Variants in DAB1 observed in about 807,000 individuals in gnomAD.
The protein encoded by DAB1 is DAB adaptor protein 1, also known as disabled homolog 1.
Under a neutral mutation model 64.6 loss-of-function variants are expected in DAB1, and 15 were observed. The ratio of observed to expected loss-of-function variants is 0.23; its 90% confidence interval spans 0.16 to 0.36. The LOEUF (loss-of-function observed/expected upper bound fraction) is 0.36, where lower values mean the gene tolerates loss of function less well. Ranked by LOEUF, DAB1 falls within the 10% of genes least tolerant of loss-of-function variation. The pLI is 1.00. For synonymous variants in DAB1, 235 were observed against 251.9 expected (o/e 0.93, Z 0.64); for missense variants, 596 against 706.7 (o/e 0.84, Z 1.78).
intron 5 of DAB1, among the ~76,000 whole-genome samples, chr1:58,051,047 A>G (rs1315201764): frequency 6.6e-6 from 1 of 152,002 alleles, no homozygotes; most frequent in Non-Finnish European, 1.5e-5. Flanking sequence ...AAAGAGAAGA[A>G]ATTTTTTTTA....
intron 4 of DAB1, among the ~76,000 whole-genome samples, chr1:57,111,367 T>A (rs538611862): frequency 4.6e-5 from 7 of 152,300 alleles, no homozygotes; most frequent in African/African-American, 1.7e-4. Context: ...GTTCAGACAC[T>A]GTTTTCAGAT....
At chr1:57,186,653 GCGTCAGCATTTACCC>G (rs1238969519) in intron 2 of DAB1, among the ~76,000 whole-genome samples, 3 of 152,162 alleles carry the variant, frequency 2.0e-5, no homozygotes, top group Non-Finnish European at 4.4e-5. Context: ...TGAAATGCAC[GCGTCAGCATTTACCC>G]CACAGAGGCA....
At position 57,026,041 on chromosome 1, in the gene DAB1, A is replaced by G; in HGVS notation, c.726T>C (p.Ala242=). 1 of 1,602,396 alleles carries G rather than the reference A, an allele frequency of 6.2e-7. No homozygotes were observed. Among genetic ancestry groups the G allele is most frequent in the Non-Finnish European group, 8.5e-7 (1 of 1,175,406 alleles). The change falls in exon 10 of 15, where the codon GCT becomes GCC. Residue 242 remains alanine (A), a splice_region_variant and synonymous_variant. Transcript: ENST00000371236. The part of the protein sequence containing the change: ...YDVPKSQPVS[A]VTQLELFGDM... ...CCCCAAAAAGTTCTAATTGGGTCACAGCCTGTAAAGACAAAAAGGTAATCA... is the reference window on the plus strand; with the variant it reads ...CCCCAAAAAGTTCTAATTGGGTCACGGCCTGTAAAGACAAAAAGGTAATCA...
rs1240569935 is a variant in DAB1 at position 57,060,067 on chromosome 1, T to C, written c.723+2817A>G. Among the ~76,000 whole-genome samples the C allele has an allele frequency of 7.2e-5, 11 of 152,140 alleles. 1 individual carries two copies. The highest frequency in any genetic ancestry group is 1.9e-4 in the East Asian group (1 of 5,200). On this transcript the variant is annotated intron_variant, in intron 9 of 14. Coordinates refer to ENST00000371236, the MANE Select transcript of DAB1 (RefSeq NM_001365792.1). ...TTTGGAGTCAGAAATATGGGGACTT[T>C]CTTAATTCTACCAGGGATTTTCACA... is the stretch of plus-strand genomic sequence containing the variant.
rs1001137414 is a variant in DAB1 at position 57,662,183 on chromosome 1, G to C, written n.552-12518C>G. Among the ~76,000 whole-genome samples, 3 of 142,178 alleles carry C rather than the reference G, an allele frequency of 2.1e-5. No individual in the cohort carries two copies. The East Asian group carries it at 5.9e-4, about 28-fold the overall frequency. The allele number at this position is 142,178 out of a possible 152,430, so 93.3% of individuals were successfully genotyped here. On this transcript the variant is annotated intron_variant and non_coding_transcript_variant, in intron 6 of 20. Transcript: ENST00000485760. The stretch of plus-strand genomic sequence containing the variant: ...CTCTGTCTAGAGAATGTTGTTCTTT[G>C]TTTGTTTGTTTGTTTGTTTGTTTGT...
chr1:57,315,631 T>A (rs1236516955), intron 1 of DAB1, among the ~76,000 whole-genome samples: 1 of 152,108 alleles, frequency 6.6e-6, no homozygotes, highest in East Asian at 1.9e-4. Flanking sequence ...GCCTCCCGAG[T>A]AGCTGGGACT....
intron 4 of DAB1, among the ~76,000 whole-genome samples, chr1:58,260,326 T>A (rs114466274): frequency 6.6e-6 from 1 of 152,158 alleles, no homozygotes; most frequent in Admixed American, 6.5e-5. Flanking sequence ...GAGACTAAAC[T>A]GGCCAGCATA....
chr1:57,528,665 C>CAT (rs1644624046), intron 7 of DAB1, among the ~76,000 whole-genome samples: 2 of 142,098 alleles, frequency 1.4e-5, no homozygotes, highest in South Asian at 2.1e-4. Flanking sequence ...CACACACACA[C>CAT]ACACACACAC....
At position 57,785,977 on chromosome 1, in the gene DAB1, G is replaced by A. The variant is rs187912669; in HGVS notation, n.551+98022C>T. On this transcript the variant is annotated intron_variant and non_coding_transcript_variant, in intron 6 of 20. Transcript: ENST00000485760. ...AGCAAACTTCATTGTTGTCTTATTTGAAGAAATTACTGCAGCCACCCCAAT... is the reference window on the plus strand; with the variant it reads ...AGCAAACTTCATTGTTGTCTTATTTAAAGAAATTACTGCAGCCACCCCAAT... Among the ~76,000 whole-genome samples, 314 of 152,178 alleles carry A rather than the reference G, an allele frequency of 2.1e-3. 1 individual carries two copies. Among genetic ancestry groups the A allele is most frequent in the Non-Finnish European group, 3.6e-3 (247 of 67,998 alleles).
At chr1:57,379,650 A>G (rs1055496063) in intron 1 of DAB1, among the ~76,000 whole-genome samples, 1 of 152,220 alleles carries the variant, frequency 6.6e-6, no homozygotes, top group Non-Finnish European at 1.5e-5. Flanking sequence ...CCCCAGGGTA[A>G]CAAACAATGC....
At position 57,107,843 on chromosome 1, in the gene DAB1, C is replaced by G. The variant is rs78208673; in HGVS notation, c.306+28700G>C. Among the ~76,000 whole-genome samples, 203 of 152,206 alleles carry G rather than the reference C, an allele frequency of 1.3e-3. 4 individuals carry two copies. The East Asian group carries it at 0.038, about 29-fold the overall frequency. ...TAGACAGTCTTGGTTTGGAAGACAA[C>G]CTCTGCTTCTTCCCAAGCTTTGTGA... On this transcript the variant is annotated intron_variant, in intron 4 of 14. Transcript: ENST00000371236.
At chr1:57,641,569 A>T (rs1052726079) in intron 7 of DAB1, among the ~76,000 whole-genome samples, 3 of 151,872 alleles carry the variant, frequency 2.0e-5, no homozygotes, top group Admixed American at 6.6e-5. Context: ...TACTTTTAGT[A>T]GAGACAGGGT....
intron 1 of DAB1, among the ~76,000 whole-genome samples, chr1:57,387,842 G>T (rs1052451047): frequency 1.4e-5 from 2 of 139,560 alleles, no homozygotes; most frequent in African/African-American, 5.5e-5. Flanking sequence ...AAAAAAAAGA[G>T]AGAGAAAACT....
At chr1:57,592,151 T>C (rs1214052051) in intron 7 of DAB1, among the ~76,000 whole-genome samples, 2 of 152,112 alleles carry the variant, frequency 1.3e-5, no homozygotes, top group Non-Finnish European at 2.9e-5. Flanking sequence ...AAGGGAAGAT[T>C]TCCAAATAGG....
intron 3 of DAB1, among the ~76,000 whole-genome samples, chr1:58,430,372 G>A (rs575859284): frequency 2.0e-5 from 3 of 152,330 alleles, no homozygotes; most frequent in South Asian, 4.1e-4. Context: ...ATTTGATTGG[G>A]TCTGGAGGAT....
chr1:57,808,017 T>A (rs571566286), intron 6 of DAB1, among the ~76,000 whole-genome samples: 2 of 152,160 alleles, frequency 1.3e-5, no homozygotes, highest in Non-Finnish European at 2.9e-5. Flanking sequence ...ATGCTTCTGG[T>A]CAAAAGTGGC....
chr1:58,077,355 G>A (rs1649719572), intron 5 of DAB1, among the ~76,000 whole-genome samples: 1 of 152,096 alleles, frequency 6.6e-6, no homozygotes, highest in Non-Finnish European at 1.5e-5. Flanking sequence ...TCACATCAGT[G>A]GACAGATGAT....
chr1:57,463,399 T>C (rs1489816990), intron 7 of DAB1, among the ~76,000 whole-genome samples: 1 of 152,248 alleles, frequency 6.6e-6, no homozygotes, highest in Non-Finnish European at 1.5e-5. Flanking sequence ...AATAAGGATT[T>C]ACATTTTGAG....
intron 6 of DAB1, among the ~76,000 whole-genome samples, chr1:57,728,680 T>C (rs1323353723): frequency 6.6e-6 from 1 of 152,140 alleles, no homozygotes; most frequent in Non-Finnish European, 1.5e-5. Context: ...GCTTTACTGG[T>C]AATACACAAA....
Sources: gnomAD v4.1 joint callset for allele counts (sites outside exome capture counted in the v4.1 genomes callset) on GRCh38, gnomAD v4.1.1 for gene constraint, MANE v1.5 for transcripts, NCBI Gene and HGNC (gene_info 2026-07-23, HGNC 2026-07-21) for gene names.